NRP1: variants seen among roughly 807,000 people sequenced by gnomAD.
NRP1 encodes the protein neuropilin-1.
Under a neutral mutation model 106.7 loss-of-function variants are expected in NRP1, and 35 were observed. That is an observed-to-expected ratio of 0.33 (90% confidence interval 0.25 to 0.43). The LOEUF (loss-of-function observed/expected upper bound fraction) is 0.43. Among genes scored for constraint, NRP1 ranks in the 20% least tolerant of loss-of-function variants. The probability of loss-of-function intolerance (pLI) is 1.00; values close to 1 mark genes in which losing one functional copy is unlikely to be tolerated. For missense variants in NRP1, 1,024 were observed against 1,170.4 expected (o/e 0.87, Z 1.83); for synonymous variants, 437 against 417.9 (o/e 1.05, Z -0.56).
At chr10:33,243,723 C>T (rs1841199483) in intron 6 of NRP1, among the ~76,000 whole-genome samples, 1 of 152,202 alleles carries the variant, frequency 6.6e-6, no homozygotes, top group Admixed American at 6.5e-5. Flanking sequence ...ATCCTCAATC[C>T]TAACATGTGC....
intron 6 of NRP1, among the ~76,000 whole-genome samples, chr10:33,249,880 G>A (rs988329673): frequency 2.0e-5 from 3 of 150,638 alleles, no homozygotes; most frequent in Non-Finnish European, 3.0e-5. Flanking sequence ...CGTTCATATC[G>A]ACAGTTAATG....
chr10:33,322,996 G>A (rs1847625485), intron 2 of NRP1, among the ~76,000 whole-genome samples: 1 of 152,146 alleles, frequency 6.6e-6, no homozygotes, highest in Non-Finnish European at 1.5e-5. Context: ...CAGCTTCAGG[G>A]ATCTCAGCTG....
chr10:33,314,191 A>T (rs1482604299), intron 2 of NRP1, among the ~76,000 whole-genome samples: 1 of 151,422 alleles, frequency 6.6e-6, no homozygotes, highest in Non-Finnish European at 1.5e-5. Flanking sequence ...GGTTACCGTG[A>T]TCCTTCCTCC....
chr10:33,269,446 C>T (rs1299007118), intron 3 of NRP1, among the ~76,000 whole-genome samples: 2 of 152,142 alleles, frequency 1.3e-5, no homozygotes, highest in African/African-American at 2.4e-5. Flanking sequence ...CACATGCATG[C>T]GCCACCATGG....
At chr10:33,254,281 T>G in intron 5 of NRP1, 87 bp from the exon 6 acceptor site, 1 of 1,189,804 alleles carries the variant, frequency 8.4e-7, no homozygotes, top group Non-Finnish European at 1.2e-6. Flanking sequence ...ACCAAAGAGT[T>G]CTTTCATTCA....
intron 2 of NRP1, among the ~76,000 whole-genome samples, chr10:33,281,771 C>T (rs10827230): frequency 0.49 from 74,809 of 152,008 alleles, 18,604 homozygotes; most frequent in South Asian, 0.56. Context: ...CATGTCATGA[C>T]GCTTGTAGGT....
At chr10:33,254,536 A>G (rs545778931) in intron 5 of NRP1, among the ~76,000 whole-genome samples, 1 of 152,352 alleles carries the variant, frequency 6.6e-6, no homozygotes, top group African/African-American at 2.4e-5. Context: ...ATGGGTACAC[A>G]CAAAAAGTTG....
chr10:33,202,684 T>C (rs1837433205), intron 11 of NRP1: 1 of 1,547,942 alleles, frequency 6.5e-7, no homozygotes, highest in Middle Eastern at 1.7e-4. Flanking sequence ...CTCAAATTAT[T>C]GTTACAAATG....
intron 2 of NRP1, among the ~76,000 whole-genome samples, chr10:33,284,669 A>G (rs1048130826): frequency 1.3e-5 from 2 of 152,184 alleles, no homozygotes; most frequent in African/African-American, 2.4e-5. Flanking sequence ...TTAGTCTTAT[A>G]AAATGCTTCA....
intron 2 of NRP1, among the ~76,000 whole-genome samples, chr10:33,312,454 G>T (rs1020768307): frequency 6.6e-6 from 1 of 152,188 alleles, no homozygotes; most frequent in Non-Finnish European, 1.5e-5. Context: ...AAAGAGCTTC[G>T]AAATGATGAT....
chr10:33,213,349 C>A, intron 9 of NRP1, 37 bp downstream of exon 9: 4 of 1,614,146 alleles, frequency 2.5e-6, no homozygotes, highest in Non-Finnish European at 3.4e-6. Flanking sequence ...AAGTCAAGGA[C>A]ATAAGGGATG....
chr10:33,180,634 C>T (rs1450040041), intron 16 of NRP1, among the ~76,000 whole-genome samples: 1 of 152,166 alleles, frequency 6.6e-6, no homozygotes, highest in Admixed American at 6.5e-5. Flanking sequence ...CATGCAGCCC[C>T]ATCTGTCCTA....
intron 2 of NRP1, among the ~76,000 whole-genome samples, chr10:33,321,471 C>T (rs1847505665): frequency 6.6e-6 from 1 of 152,166 alleles, no homozygotes; most frequent in South Asian, 2.1e-4. Flanking sequence ...AGCCTAATCT[C>T]TTATCAGACC....
At chr10:33,273,668 C>T (rs1365933209) in intron 2 of NRP1, among the ~76,000 whole-genome samples, 2 of 152,186 alleles carry the variant, frequency 1.3e-5, no homozygotes, top group Middle Eastern at 3.2e-3. Flanking sequence ...AATGAAGGCA[C>T]CTGTTTGGCT....
At chr10:33,186,618 G>A (rs976352660) in intron 13 of NRP1, 130 bp from the exon 14 acceptor site, 3 of 1,078,044 alleles carry the variant, frequency 2.8e-6, no homozygotes, top group Non-Finnish European at 3.9e-6. Context: ...TAGTGGAAAG[G>A]GATAAGTGTG....
At chr10:33,181,468 C>A (rs1318494033) in intron 16 of NRP1, among the ~76,000 whole-genome samples, 1 of 152,192 alleles carries the variant, frequency 6.6e-6, no homozygotes, top group African/African-American at 2.4e-5. Flanking sequence ...GATCCCATTT[C>A]TAAGGGCAAC....
intron 2 of NRP1, among the ~76,000 whole-genome samples, chr10:33,319,608 A>T (rs1441163198): frequency 8.5e-6 from 1 of 118,190 alleles, no homozygotes; most frequent in African/African-American, 3.4e-5. Flanking sequence ...TTTTTTTGAG[A>T]CAGTGTCTCC....
chr10:33,223,696 T>G (rs763874185), intron 7 of NRP1, among the ~76,000 whole-genome samples: 1 of 152,202 alleles, frequency 6.6e-6, no homozygotes. Context: ...TCCTAATTTA[T>G]CCCAGCCTGT....
At chr10:33,223,633 T>C (rs529145278) in intron 7 of NRP1, among the ~76,000 whole-genome samples, 33 of 152,226 alleles carry the variant, frequency 2.2e-4, no homozygotes, top group African/African-American at 7.9e-4. Flanking sequence ...GTCTCTATTT[T>C]TGTTTAAATA....
Sources: gnomAD v4.1 joint callset for allele counts (sites outside exome capture counted in the v4.1 genomes callset) on GRCh38, gnomAD v4.1.1 for gene constraint, MANE v1.5 for transcripts, NCBI Gene and HGNC (gene_info 2026-07-23, HGNC 2026-07-21) for gene names.